The following VPS13A variants were observed in gnomAD, a reference collection of about 807,000 sequenced individuals.
VPS13A encodes the protein intermembrane lipid transfer protein VPS13A.
Under a neutral mutation model 390.9 loss-of-function variants are expected in VPS13A, and 264 were observed. The observed-to-expected ratio is 0.68, with a 90% CI of 0.61 to 0.75. The LOEUF is 0.75. Among genes scored for constraint, VPS13A ranks in the 30% least tolerant of loss-of-function variants. VPS13A has a pLI of 0.00. For synonymous variants in VPS13A, 1,231 were observed against 1,227.1 expected (o/e 1.00, Z -0.07); for missense variants, 3,409 against 3,733.9 (o/e 0.91, Z 2.27).
chr9:77,178,371 C>T (rs942361864), intron 1 of VPS13A, among the ~76,000 whole-genome samples: 1 of 152,234 alleles, frequency 6.6e-6, no homozygotes, highest in Non-Finnish European at 1.5e-5. Flanking sequence ...CCCTTCCGGC[C>T]CTAGGACCCG....
intron 24 of VPS13A, among the ~76,000 whole-genome samples, 173 bp downstream of exon 24, chr9:77,273,537 G>A (rs1299835942): frequency 6.6e-6 from 1 of 152,132 alleles, no homozygotes; most frequent in Non-Finnish European, 1.5e-5. Context: ...GAGAAAACAA[G>A]CAGATTTACT....
intron 56 of VPS13A, among the ~76,000 whole-genome samples, 158 bp downstream of exon 56, chr9:77,357,996 C>T (rs1279405255): frequency 7.1e-6 from 1 of 140,192 alleles, no homozygotes; most frequent in Non-Finnish European, 1.5e-5. Context: ...CCCTCTGTCG[C>T]CCAGGCTAGA....
chr9:77,314,617 C>T lies in VPS13A; in HGVS notation c.4365C>T (p.Asn1455=), dbSNP rs758405641. 6.2e-6 allele frequency: 10 copies of T among 1,612,036 alleles called. No individual in the cohort carries two copies. The South Asian group carries it at 7.7e-5, about 12-fold the overall frequency. ...CATTTTCTTCCTTCTCATTAAAAAA[C>T]TGTATTTTAGATGATAAAAGACCTC... ...GSTFSSFSLK[N]CILDDKRPHV... is the part of the protein sequence containing the mutation. The change falls in exon 37 of 72, where the codon AAC becomes AAT. Residue 1455 remains asparagine, a synonymous_variant. Coordinates refer to ENST00000360280, the MANE Select transcript of VPS13A (RefSeq NM_033305.3).
chr9:77,205,353 T>G lies in VPS13A; in HGVS notation c.228T>G (p.Thr76=), dbSNP rs115443572. 1 of 1,514,376 alleles carries G rather than the reference T, an allele frequency of 6.6e-7. No homozygotes were observed. The highest frequency in any genetic ancestry group is 8.9e-7 in the Non-Finnish European group (1 of 1,126,498). 93.8% of individuals were successfully genotyped at this position (1,514,376 alleles called of 1,614,324 possible). ...TAATTCCATGGAAAAACCTTTATAC[T>G]CAACCTGTTGAAGCCGTATTGGAAG... is the stretch of plus-strand genomic sequence containing the variant. ...KLIIPWKNLY[T]QPVEAVLEEI... is the part of the protein sequence containing the mutation. The change falls in exon 4 of 72, where the codon ACT becomes ACG. Residue 76 remains threonine (T), a synonymous_variant. Transcript: ENST00000360280.
At chr9:77,335,089 G>C in intron 46 of VPS13A, among the ~76,000 whole-genome samples, 1 of 152,072 alleles carries the variant, frequency 6.6e-6, no homozygotes, top group East Asian at 1.9e-4. Context: ...AAATAATCAG[G>C]GTTGAAGATA....
At position 77,283,578 on chromosome 9, in the gene VPS13A, A is replaced by C. The variant is rs1260781307; in HGVS notation, c.3267A>C (p.Ser1089=). Reference sequence around the variant, plus strand: ...ATTCTGAGATGATTATGAGGCCTTCAGAAACTGAAATAAACGCAAAGCTAA... The same window carrying C: ...ATTCTGAGATGATTATGAGGCCTTCCGAAACTGAAATAAACGCAAAGCTAA... ...GLDSEMIMRP[S]ETEINAKLRN... is the part of the protein sequence containing the mutation. Residue 1089 remains serine, a synonymous_variant, in exon 31 of 72, where the codon TCA becomes TCC. Transcript: ENST00000360280. The C allele has an allele frequency of 4.3e-6, 7 of 1,613,458 alleles. No individual in the cohort carries two copies. The highest frequency in any genetic ancestry group is 5.9e-6 in the Non-Finnish European group (7 of 1,179,704).
intron 45 of VPS13A, among the ~76,000 whole-genome samples, chr9:77,330,381 A>C (rs764872618): frequency 4.6e-5 from 7 of 152,172 alleles, no homozygotes; most frequent in Non-Finnish European, 7.3e-5. Flanking sequence ...GCTTATGCTC[A>C]TTCCGTTTTC....
chr9:77,301,353 A>G (rs1178146781), intron 33 of VPS13A, among the ~76,000 whole-genome samples: 3 of 152,190 alleles, frequency 2.0e-5, no homozygotes, highest in Admixed American at 6.5e-5. Context: ...AAAAAAAGAA[A>G]AGAAAACCTA....
At chr9:77,282,699 A>G (rs553898110) in intron 29 of VPS13A, among the ~76,000 whole-genome samples, 28 of 152,208 alleles carry the variant, frequency 1.8e-4, no homozygotes, top group Admixed American at 1.8e-3. Context: ...CAGGGAGGTG[A>G]GCGCTGTGGG....
intron 19 of VPS13A, among the ~76,000 whole-genome samples, chr9:77,242,656 T>C (rs1824571698): frequency 1.3e-5 from 2 of 151,940 alleles, no homozygotes; most frequent in African/African-American, 4.8e-5. Flanking sequence ...TTCTAGTCAG[T>C]TTTTCTTGAT....
At chr9:77,253,768 A>G (rs574363036) in intron 22 of VPS13A, among the ~76,000 whole-genome samples, 25 of 151,808 alleles carry the variant, frequency 1.6e-4, no homozygotes, top group Admixed American at 1.4e-3. Flanking sequence ...TTAGTTGCCT[A>G]TGCTTTTGGT....
intron 54 of VPS13A, among the ~76,000 whole-genome samples, chr9:77,355,293 A>G (rs999105586): frequency 6.6e-6 from 1 of 152,160 alleles, no homozygotes; most frequent in Admixed American, 6.6e-5. Context: ...GTGTAGAATT[A>G]TCGGTCTTTA....
chr9:77,400,537 A>G (rs1272103619), intron 68 of VPS13A, among the ~76,000 whole-genome samples: 3 of 151,988 alleles, frequency 2.0e-5, no homozygotes, highest in African/African-American at 7.3e-5. Flanking sequence ...CTTCAAGATT[A>G]TTAAAATGGG....
At chr9:77,387,515 A>C (rs1833738685) in intron 68 of VPS13A, among the ~76,000 whole-genome samples, 1 of 152,172 alleles carries the variant, frequency 6.6e-6, no homozygotes, top group South Asian at 2.1e-4. Context: ...CTTTGTGTCT[A>C]CCTGACGCTT....
rs1353995908 is a variant in VPS13A at position 77,400,526 on chromosome 9, A to G, written c.9190-2710A>G. On this transcript the variant is annotated intron_variant, in intron 68 of 71. Transcript: ENST00000360280. ...ACTCTGTTATATTTTGGCCTTTCCC[A>G]CTTCAAGATTATTAAAATGGGCCGG... Among the ~76,000 whole-genome samples the G allele has an allele frequency of 2.0e-5, 3 of 151,788 alleles. No homozygotes were observed. The East Asian group carries it at 5.8e-4, about 29-fold the overall frequency.
chr9:77,278,473 C>T lies in VPS13A; in HGVS notation c.2825-1686C>T, dbSNP rs1390679808. ...AAAAAAGAGTATACAATTATTATTGCGCTTATTTCTGTAATATTTTTGTTT... is the reference window on the plus strand; with the variant it reads ...AAAAAAGAGTATACAATTATTATTGTGCTTATTTCTGTAATATTTTTGTTT... On this transcript the variant is annotated intron_variant, in intron 26 of 71. Transcript: ENST00000360280. Among the ~76,000 whole-genome samples, 4 of 152,166 alleles carry T rather than the reference C, an allele frequency of 2.6e-5. No individual in the cohort carries two copies. In the East Asian group the frequency reaches 5.8e-4, roughly 22 times the overall value.
At chr9:77,202,893 G>GT (rs919734776) in intron 3 of VPS13A, among the ~76,000 whole-genome samples, 11 of 152,102 alleles carry the variant, frequency 7.2e-5, no homozygotes, top group African/African-American at 2.7e-4. Context: ...AAATATCACT[G>GT]TTTTTTCCCC....
intron 47 of VPS13A, chr9:77,339,299 C>G (rs1266429735): frequency 1.1e-5 from 6 of 549,372 alleles, no homozygotes; most frequent in Non-Finnish European, 1.9e-5. Flanking sequence ...GTCATTTAGA[C>G]CATTTTACAA....
chr9:77,246,310 A>G (rs1300625986), intron 19 of VPS13A, among the ~76,000 whole-genome samples: 6 of 152,170 alleles, frequency 3.9e-5, no homozygotes, highest in East Asian at 1.9e-4. Flanking sequence ...CACTTGCTCA[A>G]TGTCTGCTTT....
Sources: allele counts gnomAD v4.1 joint callset (sites outside exome capture counted in the v4.1 genomes callset), GRCh38; gene constraint gnomAD v4.1.1; transcripts MANE v1.5; gene names NCBI Gene and HGNC (gene_info 2026-07-23, HGNC 2026-07-21).